LPA: variants seen among roughly 807,000 people sequenced by gnomAD.
LPA encodes the protein lipoprotein(a).
Under a neutral mutation model 197.9 loss-of-function variants are expected in LPA, and 199 were observed. The observed-to-expected ratio is 1.01, with a 90% CI of 0.90 to 1.13. The LOEUF (loss-of-function observed/expected upper bound fraction) is 1.13. Among genes scored for constraint, LPA ranks in the 50% most tolerant of loss-of-function variants. The probability of loss-of-function intolerance (pLI) is 0.00; values close to 1 mark genes in which losing one functional copy is unlikely to be tolerated. For synonymous variants in LPA, 715 were observed against 639.5 expected (o/e 1.12, Z -1.78); for missense variants, 1,853 against 1,785.8 (o/e 1.04, Z -0.68).
At chr6:160,560,189 T>C (rs1015198859) in intron 28 of LPA, among the ~76,000 whole-genome samples, 18 of 152,254 alleles carry the variant, frequency 1.2e-4, no homozygotes, top group Non-Finnish European at 2.4e-4. Context: ...CAGTCTATCA[T>C]TGATGGGCAT....
chr6:160,542,339 T>G (rs556523229), intron 34 of LPA, among the ~76,000 whole-genome samples: 1 of 152,338 alleles, frequency 6.6e-6, no homozygotes, highest in East Asian at 1.9e-4. Flanking sequence ...GTCACATTTC[T>G]AAAAACTTCC....
At position 160,664,064 on chromosome 6, in the gene LPA, A is replaced by G. The variant is rs1780269054; in HGVS notation, c.49+102T>C. 3 of 1,246,150 alleles carry G rather than the reference A, an allele frequency of 2.4e-6. No homozygotes were observed. The African/African-American group carries it at 4.6e-5, about 19-fold the overall frequency. The allele number at this position is 1,246,150 out of a possible 1,614,324, so 77.2% of individuals were successfully genotyped here. On this transcript the variant is annotated intron_variant, in intron 1 of 38. Transcript: ENST00000316300. ...AGATTTTGAACTGGGAATTTCATGA[A>G]TCAAAAATTAAATGAATTGCACATA...
Position 160,635,673 on chromosome 6 carries a change from G to A in LPA, c.894-369C>T, listed in dbSNP as rs1392992649. ...GTTTTGACGTCTGTATTGTGGGATT[G>A]TGTATTCACATGCAAATGCATCTGT... On this transcript the variant is annotated intron_variant, in intron 6 of 38. Transcript: ENST00000316300. 4.1e-5 allele frequency among the ~76,000 whole-genome samples: 5 copies of A among 121,422 alleles called. No homozygotes were observed. The East Asian group carries it at 9.4e-4, about 23-fold the overall frequency. 79.7% of individuals were successfully genotyped at this position (121,422 alleles called of 152,430 possible).
chr6:160,595,263 T>A (rs1779107766), intron 21 of LPA, 91 bp downstream of exon 21: 2 of 1,491,270 alleles, frequency 1.3e-6, no homozygotes, highest in Non-Finnish European at 1.9e-6. Flanking sequence ...TGGAATTGTG[T>A]GAGCATGGAA....
intron 35 of LPA, 148 bp from the exon 36 acceptor site, chr6:160,540,331 C>A (rs1467547445): frequency 3.7e-6 from 3 of 821,040 alleles, no homozygotes; most frequent in Non-Finnish European, 4.1e-6. Flanking sequence ...TCACAATTTG[C>A]TGGAAACTGA....
At position 160,550,255 on chromosome 6, in the gene LPA, C is replaced by T. The variant is rs559693805; in HGVS notation, c.4974-1596G>A. Among the ~76,000 whole-genome samples the T allele has an allele frequency of 2.7e-4, 41 of 151,998 alleles. No individual in the cohort carries two copies. The Middle Eastern group carries it at 0.014, about 50-fold the overall frequency. ...AAAAAAAGCACAGCCGGTGAGGACC[C>T]CGGTGGTGGGGGATCTTGGAGAATG... On this transcript the variant is annotated intron_variant, in intron 30 of 38. Coordinates refer to ENST00000316300, the MANE Select transcript of LPA (RefSeq NM_005577.4).
At chr6:160,561,070 C>A (rs1016257687) in intron 28 of LPA, among the ~76,000 whole-genome samples, 1 of 152,104 alleles carries the variant, frequency 6.6e-6, no homozygotes, top group Non-Finnish European at 1.5e-5. Context: ...CGACCACACC[C>A]AGCTAATTTT....
At chr6:160,572,514 G>A (rs779113276) in intron 28 of LPA, among the ~76,000 whole-genome samples, 43 of 151,968 alleles carry the variant, frequency 2.8e-4, no homozygotes, top group Non-Finnish European at 4.7e-4. Context: ...TGTGATTTAT[G>A]CTTTAAAGAG....
intron 28 of LPA, among the ~76,000 whole-genome samples, chr6:160,574,817 G>T (rs1778625622): frequency 6.6e-6 from 1 of 152,104 alleles, no homozygotes; most frequent in Non-Finnish European, 1.5e-5. Context: ...GTCCTCTCAG[G>T]ATTGCTGGTC....
At chr6:160,647,579 T>G (rs534186640) in intron 2 of LPA, among the ~76,000 whole-genome samples, 2 of 152,316 alleles carry the variant, frequency 1.3e-5, no homozygotes, top group South Asian at 2.1e-4. Flanking sequence ...CTTCCCTCTT[T>G]TGAATACATA....
chr6:160,607,414 C>CGGG lies in LPA; in HGVS notation c.2604-757_2604-756insCCC, dbSNP rs879521328. Among the ~76,000 whole-genome samples, 480 of 152,176 alleles carry CGGG rather than the reference C, an allele frequency of 3.2e-3. 2 individuals carry two copies. The highest frequency in any genetic ancestry group is 0.011 in the Admixed American group (167 of 15,294). On this transcript the variant is annotated intron_variant, in intron 16 of 38. Transcript: ENST00000316300. ...CCCTCTGCTGGCCGCAGCTACTCTG[C>CGGG]ACTGAGGGAAAGGGGGATGAGTTGA...
rs1333205808 is a variant in LPA at position 160,548,543 on chromosome 6, T to A, written c.5090A>T (p.Glu1697Val). ...YCNLTRCSDT[E>V]GTVVAPPTVI... Reference sequence around the variant, plus strand: ...AGTCGGAGGAGCGACCACAGTCCCTTCTGTGTCTGAGCATCGCGTCAGGTT... The same window carrying A: ...AGTCGGAGGAGCGACCACAGTCCCTACTGTGTCTGAGCATCGCGTCAGGTT... Residue 1697 changes from glutamate (E) to valine (V), a missense_variant, in exon 31 of 39, where the codon GAA (glutamate) becomes GTA (valine). Glu to Val is a moderately radical substitution (Grantham distance 121). This residue lies in a region of LPA where 1,737 missense variants were observed against 1,504.4 expected (regional missense o/e 1.15). Transcript: ENST00000316300. The A allele has an allele frequency of 4.3e-6, 7 of 1,613,952 alleles. No homozygotes were observed. Among genetic ancestry groups the A allele is most frequent in the Admixed American group, 1.7e-5 (1 of 60,010 alleles).
chr6:160,591,566 C>T (rs907758291), intron 22 of LPA, among the ~76,000 whole-genome samples: 27 of 152,220 alleles, frequency 1.8e-4, no homozygotes, highest in African/African-American at 6.3e-4. Flanking sequence ...AATTGATCCA[C>T]ATGATCTACA....
At chr6:160,550,254 C>T (rs62441900) in intron 30 of LPA, among the ~76,000 whole-genome samples, 4 of 151,736 alleles carry the variant, frequency 2.6e-5, no homozygotes, top group Non-Finnish European at 4.4e-5. Context: ...CGGTGAGGAC[C>T]CCGGTGGTGG....
chr6:160,661,489 T>C (rs1390856027), intron 1 of LPA, among the ~76,000 whole-genome samples: 1 of 152,212 alleles, frequency 6.6e-6, no homozygotes, highest in African/African-American at 2.4e-5. Flanking sequence ...CAGAAAGGCC[T>C]GTCCTGACCT....
rs74190405 is a variant in LPA at position 160,607,682 on chromosome 6, G to T, written c.2604-1024C>A. Among the ~76,000 whole-genome samples the T allele has an allele frequency of 1.2e-4, 17 of 147,242 alleles. No individual in the cohort carries two copies. In the East Asian group the frequency reaches 3.1e-3, roughly 27 times the overall value. On this transcript the variant is annotated intron_variant, in intron 16 of 38. Transcript: ENST00000316300. ...AATGGGAAATGTATTACGGGCCATG[G>T]GGATGAAACACTGTCTCTCTAGAGA...
intron 28 of LPA, among the ~76,000 whole-genome samples, chr6:160,557,861 T>C (rs998080718): frequency 2.6e-5 from 4 of 151,986 alleles, no homozygotes; most frequent in African/African-American, 9.7e-5. Context: ...AATATCTTCC[T>C]CCTTCTGCCA....
At position 160,537,969 on chromosome 6, in the gene LPA, G is replaced by A; in HGVS notation, c.5736-8C>T. 1.9e-6 allele frequency: 3 copies of A among 1,613,118 alleles called. No individual in the cohort carries two copies. Among genetic ancestry groups the A allele is most frequent in the South Asian group, 2.2e-5 (2 of 91,018 alleles). On this transcript the variant is annotated splice_region_variant and splice_polypyrimidine_tract_variant and intron_variant, in intron 36 of 38. Coordinates refer to ENST00000316300, the MANE Select transcript of LPA (RefSeq NM_005577.4). ...TCAGTGATGACGGCAGGCCTGTAAG[G>A]AAAGTATTAGCAGTTATGTTTCACT...
Position 160,600,988 on chromosome 6 carries a change from T to C in LPA, c.3056A>G (p.Asp1019Gly), listed in dbSNP as rs371741145. The change falls in exon 19 of 39, where the codon GAT becomes GGT. Residue 1019 changes from aspartate (D) to glycine (G), a missense_variant. Transcript: ENST00000316300. ...WEYCNLTRCSDAEWTAFVPPN... is the reference protein window; with the variant it reads ...WEYCNLTRCSGAEWTAFVPPN... Reference sequence around the variant, plus strand: ...AGGGACGAAGGCAGTCCATTCTGCATCTGAGCATCGTGTCAGGTTGCAGTA... The same window carrying C: ...AGGGACGAAGGCAGTCCATTCTGCACCTGAGCATCGTGTCAGGTTGCAGTA... 8.7e-6 allele frequency: 14 copies of C among 1,613,928 alleles called. No homozygotes were observed. Among genetic ancestry groups the C allele is most frequent in the Non-Finnish European group, 1.2e-5 (14 of 1,179,992 alleles).
Sources: allele counts gnomAD v4.1 joint callset (sites outside exome capture counted in the v4.1 genomes callset), GRCh38; gene constraint gnomAD v4.1.1; regional missense constraint gnomAD v4.1.1; transcripts MANE v1.5; gene names NCBI Gene and HGNC (gene_info 2026-07-23, HGNC 2026-07-21).